The following MTTP variants were observed in gnomAD, a reference collection of about 807,000 sequenced individuals.
The protein encoded by MTTP is microsomal triglyceride transfer protein large subunit.
Under a neutral mutation model 90.6 loss-of-function variants are expected in MTTP, and 49 were observed. That is an observed-to-expected ratio of 0.54 (90% CI 0.43 to 0.69). The LOEUF is 0.69. MTTP is among the 30% of genes least tolerant of loss of function. The probability of loss-of-function intolerance (pLI) is 0.00; values close to 1 mark genes in which losing one functional copy is unlikely to be tolerated. For synonymous variants in MTTP, 347 were observed against 384.2 expected (o/e 0.90, Z 1.13); for missense variants, 945 against 1,067.5 (o/e 0.89, Z 1.60).
chr4:99,613,393 A>G (rs990262075), intron 15 of MTTP, among the ~76,000 whole-genome samples: 4 of 152,178 alleles, frequency 2.6e-5, no homozygotes, highest in Non-Finnish European at 5.9e-5. Flanking sequence ...CAGAAACAAG[A>G]AAGTTTAGGA....
chr4:99,613,097 T>C lies in MTTP; in HGVS notation c.2174T>C (p.Ile725Thr), dbSNP rs764386326. 7.4e-6 allele frequency: 12 copies of C among 1,614,030 alleles called. No homozygotes were observed. The highest frequency in any genetic ancestry group is 1.7e-5 in the Admixed American group (1 of 59,996). The change falls in exon 15 of 18, where the codon ATC becomes ACC. Residue 725 changes from isoleucine (I) to threonine (T), a missense_variant. Ile to Thr is a moderately conservative substitution (Grantham distance 89). Transcript: ENST00000265517. ...ATGCTGTCAGCATCTGGCGACCCTA[T>C]CAGTGTGGTGAAAGGACTTATTCTG... ...SKMLSASGDP[I>T]SVVKGLILLI... is the part of the protein sequence containing the mutation.
At chr4:99,600,799 T>G in intron 9 of MTTP, 66 bp downstream of exon 9, 1 of 1,497,742 alleles carries the variant, frequency 6.7e-7, no homozygotes, top group Non-Finnish European at 9.2e-7. Flanking sequence ...TAACAGTAAT[T>G]AAAAGTTTCT....
rs1334915167 is a variant in MTTP at position 99,574,958 on chromosome 4, G to A, written c.49G>A (p.Ala17Thr). ...LFLCFISSYS[A>T]SVKGHTTGLS... ...TCTCTGCTTCATTTCCTCATATTCA[G>A]CTTCTGTTAAAGGTAAGTTTGTGTT... Residue 17 changes from alanine to threonine, a missense_variant, in exon 1 of 18, where the codon GCT (alanine) becomes ACT (threonine). Ala to Thr is a moderately conservative substitution (Grantham distance 58, BLOSUM62 0). Transcript: ENST00000265517. 6.2e-7 allele frequency: 1 copy of A among 1,613,950 alleles called. No homozygotes were observed. The highest frequency in any genetic ancestry group is 8.5e-7 in the Non-Finnish European group (1 of 1,180,018).
At chr4:99,594,468 T>C (rs1007033417) in intron 6 of MTTP, among the ~76,000 whole-genome samples, 1 of 152,334 alleles carries the variant, frequency 6.6e-6, no homozygotes, top group Admixed American at 6.5e-5. Flanking sequence ...TTATTCATCA[T>C]CCAGGCAATT....
rs1018117418 is a variant in MTTP at position 99,623,643 on chromosome 4, C to CCTCT, written c.*796_*799dup. On this transcript the variant is annotated 3_prime_UTR_variant, in exon 18 of 18. Coordinates refer to ENST00000265517, the MANE Select transcript of MTTP (RefSeq NM_001386140.1). ...TTGAGACTGTAATATGGTACACTGT[C>CCTCT]CTCTAAGGGACATCCTCATTTTATC... is the stretch of plus-strand genomic sequence containing the variant. 2 of 152,198 alleles carry CCTCT rather than the reference C, an allele frequency of 1.3e-5. No homozygotes were observed. Among genetic ancestry groups the CCTCT allele is most frequent in the African/African-American group, 4.8e-5 (2 of 41,424 alleles). 9.4% of individuals were successfully genotyped at this position (152,198 alleles called of 1,614,324 possible). A position where few individuals can be genotyped will look rare whatever the true frequency, so the allele number is the denominator to read the frequency against.
intron 1 of MTTP, among the ~76,000 whole-genome samples, chr4:99,569,331 C>A (rs1001262761): frequency 4.0e-5 from 6 of 151,726 alleles, no homozygotes; most frequent in African/African-American, 1.5e-4. Flanking sequence ...CCTAAAGATA[C>A]TTGAGAACTA....
At chr4:99,567,861 C>T (rs1264875329) in intron 1 of MTTP, among the ~76,000 whole-genome samples, 1 of 152,056 alleles carries the variant, frequency 6.6e-6, no homozygotes, top group Non-Finnish European at 1.5e-5. Context: ...AGATATTCTA[C>T]CCAATCCTCC....
intron 10 of MTTP, among the ~76,000 whole-genome samples, chr4:99,604,706 T>A (rs1173748013): frequency 5.3e-5 from 8 of 152,158 alleles, no homozygotes; most frequent in Non-Finnish European, 1.2e-4. Flanking sequence ...CCCACTGCTA[T>A]CTCTAATTCT....
chr4:99,596,354 G>A (rs547662250), intron 7 of MTTP, among the ~76,000 whole-genome samples: 1 of 152,216 alleles, frequency 6.6e-6, no homozygotes, highest in East Asian at 1.9e-4. Context: ...TTTCAAAGCC[G>A]AGAGATGCTG....
At chr4:99,606,125 T>C (rs1338497570) in intron 10 of MTTP, among the ~76,000 whole-genome samples, 1 of 152,154 alleles carries the variant, frequency 6.6e-6, no homozygotes, top group African/African-American at 2.4e-5. Context: ...ATTAAACTAT[T>C]AACTTACACT....
chr4:99,598,653 CTTTTTTT>C (rs745529189), intron 8 of MTTP, among the ~76,000 whole-genome samples: 70 of 82,540 alleles, frequency 8.5e-4, no homozygotes, highest in African/African-American at 2.3e-3. Flanking sequence ...TCAAGGAAGT[CTTTTTTT>C]TTTTTTTTTT....
At chr4:99,579,525 T>C (rs1015414110) in intron 1 of MTTP, among the ~76,000 whole-genome samples, 3 of 152,088 alleles carry the variant, frequency 2.0e-5, no homozygotes, top group Non-Finnish European at 4.4e-5. Context: ...CCGAAAACCT[T>C]TGTCCAAAAT....
chr4:99,583,647 G>C, intron 3 of MTTP, 130 bp downstream of exon 3: 1 of 1,112,688 alleles, frequency 9.0e-7, no homozygotes, highest in Non-Finnish European at 1.3e-6. Context: ...AAGAACTAAA[G>C]AACAGAGGTT....
upstream of MTTP, among the ~76,000 whole-genome samples, chr4:99,570,113 C>A (rs1425275436): frequency 6.6e-6 from 1 of 151,742 alleles, no homozygotes; most frequent in African/African-American, 2.4e-5. Context: ...TGCTCTTCAT[C>A]CCTTCTTGCA....
rs141736123 is a variant in MTTP, at chr4:99,581,979, C to T, written c.136C>T (p.Arg46Trp). The change falls in exon 2 of 18, where the codon CGG (arginine) becomes TGG (tryptophan). Residue 46 changes from arginine to tryptophan, a missense_variant. Transcript: ENST00000265517. ...LTYSTEVLLD[R>W]GKGKLQDSVG... ...GTACTCCACTGAAGTTCTTCTTGAT[C>T]GGGGCAAAGGAAAACTGCAAGACAG... The T allele has an allele frequency of 1.6e-5, 26 of 1,614,134 alleles. No individual in the cohort carries two copies. The highest frequency in any genetic ancestry group is 6.7e-5 in the Admixed American group (4 of 60,016).
At chr4:99,614,387 A>C (rs1294637574) in intron 15 of MTTP, among the ~76,000 whole-genome samples, 1 of 152,218 alleles carries the variant, frequency 6.6e-6, no homozygotes, top group Non-Finnish European at 1.5e-5. Context: ...GACTGTATTA[A>C]AACTCCTCCA....
At chr4:99,578,876 T>G (rs1158731068) in intron 1 of MTTP, among the ~76,000 whole-genome samples, 1 of 152,202 alleles carries the variant, frequency 6.6e-6, no homozygotes, top group Non-Finnish European at 1.5e-5. Context: ...GAGGATTAGA[T>G]AAGACAACAT....
chr4:99,570,742 G>A, upstream of MTTP: 1 of 455,886 alleles, frequency 2.2e-6, no homozygotes, highest in South Asian at 1.5e-5. Flanking sequence ...ACGGAAGAGG[G>A]AGACAGAAGA....
At chr4:99,576,763 G>A (rs915263253) in intron 1 of MTTP, among the ~76,000 whole-genome samples, 1 of 151,728 alleles carries the variant, frequency 6.6e-6, no homozygotes, top group Admixed American at 6.6e-5. Context: ...TTGGGAAATG[G>A]CATAAATGAG....
Sources: allele counts gnomAD v4.1 joint callset (sites outside exome capture counted in the v4.1 genomes callset), GRCh38; gene constraint gnomAD v4.1.1; transcripts MANE v1.5; gene names NCBI Gene and HGNC (gene_info 2026-07-23, HGNC 2026-07-21).